SLC35D1: variants seen among roughly 807,000 people sequenced by gnomAD.
SLC35D1 encodes the protein nucleotide sugar transporter SLC35D1.
Under a neutral mutation model 46.7 loss-of-function variants are expected in SLC35D1, and 31 were observed. The observed-to-expected ratio is 0.66, with a 90% CI of 0.50 to 0.90. The LOEUF (loss-of-function observed/expected upper bound fraction) is 0.90, where lower values mean the gene tolerates loss of function less well. Ranked by LOEUF, SLC35D1 falls within the 40% of genes least tolerant of loss-of-function variation. The pLI is 0.00. For synonymous variants in SLC35D1, 195 were observed against 164.6 expected, an observed-to-expected ratio of 1.18 and a Z score of -1.41; for missense variants, 397 against 426.2, an observed-to-expected ratio of 0.93 and a Z score of 0.60.
chr1:66,986,628 T>C, the SLC35D1 span: 2 of 618,148 alleles, frequency 3.2e-6, no homozygotes, highest in South Asian at 4.6e-5. Flanking sequence ...CAACTTTTTT[T>C]CCCAAACAGT....
chr1:67,052,889 T>C (rs775397603), intron 2 of SLC35D1, 32 bp from the exon 3 acceptor site: 5 of 1,613,908 alleles, frequency 3.1e-6, no homozygotes, highest in South Asian at 1.1e-5. Context: ...TTCACTGTTC[T>C]ACACATAAAG....
intron 10 of SLC35D1, among the ~76,000 whole-genome samples, chr1:67,011,919 C>T (rs1292329022): frequency 1.3e-5 from 2 of 151,932 alleles, no homozygotes; most frequent in African/African-American, 2.4e-5. Flanking sequence ...ATAGTCTTTT[C>T]CTTTATCTTT....
chr1:67,041,651 C>A (rs974630520), intron 8 of SLC35D1, among the ~76,000 whole-genome samples: 7 of 152,110 alleles, frequency 4.6e-5, no homozygotes, highest in Non-Finnish European at 7.4e-5. Flanking sequence ...AAGAAAAATT[C>A]TTCTCCAGAT....
chr1:67,011,158 C>A (rs1570609298), intron 10 of SLC35D1, among the ~76,000 whole-genome samples: 1 of 152,276 alleles, frequency 6.6e-6, no homozygotes, highest in East Asian at 1.9e-4. Flanking sequence ...ATATAAGCTT[C>A]TACACTCCAC....
At chr1:67,040,230 C>A (rs1010553885) in intron 8 of SLC35D1, among the ~76,000 whole-genome samples, 6 of 152,076 alleles carry the variant, frequency 3.9e-5, no homozygotes, top group African/African-American at 1.4e-4. Context: ...TTCCTAGGCT[C>A]AAGCAATCTG....
chr1:67,014,088 C>T (rs965549553), intron 10 of SLC35D1, among the ~76,000 whole-genome samples: 4 of 152,094 alleles, frequency 2.6e-5, no homozygotes, highest in Admixed American at 2.6e-4. Flanking sequence ...TTTGTTGACC[C>T]TGTTGCTTAA....
Position 67,006,410 on chromosome 1 carries a change from C to G in SLC35D1, c.960-1962G>C, listed in dbSNP as rs140612505. On this transcript the variant is annotated intron_variant, in intron 11 of 11. Transcript: ENST00000235345. ...CCACATGACAGTCAATTTCCCTTTG[C>G]CTCCAAACCCACCCCAAAACAAAGT... 3.5e-3 allele frequency among the ~76,000 whole-genome samples: 539 copies of G among 152,268 alleles called. 3 individuals are homozygous for G. Among genetic ancestry groups the G allele is most frequent in the African/African-American group, 0.012 (515 of 41,542 alleles).
chr1:67,021,756 C>CACAT lies in SLC35D1; in HGVS notation c.730-155_730-154insATGT, dbSNP rs1558155444. ...ACACACACACACACACACACACACA[C>CACAT]ACAGGTATATGTTTCCCTGAATTAC... On this transcript the variant is annotated intron_variant, in intron 8 of 11. Coordinates refer to ENST00000235345, the MANE Select transcript of SLC35D1 (RefSeq NM_015139.3). Among the ~76,000 whole-genome samples the CACAT allele has an allele frequency of 4.6e-4, 69 of 150,890 alleles. 3 individuals are homozygous for CACAT. Among genetic ancestry groups the CACAT allele is most frequent in the South Asian group, 6.3e-4 (3 of 4,758 alleles).
chr1:66,976,464 T>G, the SLC35D1 span: 5 of 657,900 alleles, frequency 7.6e-6, no homozygotes, highest in Non-Finnish European at 1.2e-5. Context: ...GCTGCTACAC[T>G]GTTGTATGTT....
chr1:67,028,369 TC>T (rs1179959587), intron 8 of SLC35D1, among the ~76,000 whole-genome samples: 1 of 152,234 alleles, frequency 6.6e-6, no homozygotes, highest in Non-Finnish European at 1.5e-5. Context: ...GACAGTATTA[TC>T]CAAGTCTTCT....
At chr1:67,004,592 C>A in intron 11 of SLC35D1, 144 bp from the exon 12 acceptor site, 1 of 697,130 alleles carries the variant, frequency 1.4e-6, no homozygotes, top group Non-Finnish European at 2.6e-6. Context: ...AAGTACTATG[C>A]ATCCATTAAA....
chr1:66,989,422 T>G, the SLC35D1 span, among the ~76,000 whole-genome samples: 1 of 152,222 alleles, frequency 6.6e-6, no homozygotes, highest in African/African-American at 2.4e-5. Context: ...CAAAGTTAGA[T>G]GATCCCTGAA....
the SLC35D1 span, among the ~76,000 whole-genome samples, chr1:66,982,396 A>G: frequency 5.3e-5 from 8 of 152,340 alleles, no homozygotes; most frequent in African/African-American, 1.4e-4. Context: ...CAACCTGTAT[A>G]TTAATATTCT....
At chr1:67,007,414 A>G (rs1309321539) in intron 11 of SLC35D1, among the ~76,000 whole-genome samples, 5 of 152,076 alleles carry the variant, frequency 3.3e-5, no homozygotes, top group Non-Finnish European at 7.4e-5. Flanking sequence ...ACCTCCTAAT[A>G]CCATGACTTT....
Position 67,054,146 on chromosome 1 carries a change from C to T in SLC35D1, c.-133G>A. 1.2e-6 allele frequency: 1 copy of T among 841,186 alleles called. No individual in the cohort carries two copies. The highest frequency in any genetic ancestry group is 1.8e-6 in the Non-Finnish European group (1 of 559,490). The allele number at this position is 841,186 out of a possible 1,614,324, so 52.1% of individuals were successfully genotyped here. A position where few individuals can be genotyped will look rare whatever the true frequency, so the allele number is the denominator to read the frequency against. ...GCGCGCTCGCCGCCTCGACTCCCCG[C>T]TTGGCCGCCGCCTGTCCCCGCCCAG... On this transcript the variant is annotated 5_prime_UTR_variant, in exon 1 of 12. Coordinates refer to ENST00000235345, the MANE Select transcript of SLC35D1 (RefSeq NM_015139.3).
the SLC35D1 span, chr1:66,985,771 A>G: frequency 2.1e-6 from 2 of 930,344 alleles, no homozygotes; most frequent in South Asian, 5.0e-5. Flanking sequence ...ATTAAGTCAT[A>G]TTTCTTATCC....
rs115491641 is a variant in SLC35D1, at chr1:67,033,930, C to T, written c.729+8306G>A. 2.5e-3 allele frequency among the ~76,000 whole-genome samples: 378 copies of T among 152,296 alleles called. 3 individuals are homozygous for T. Among genetic ancestry groups the T allele is most frequent in the African/African-American group, 8.2e-3 (342 of 41,580 alleles). Reference sequence around the variant, plus strand: ...CACCCGGCTTTCCCTGAACCATACACTGAAGAGACTGTCCCTTCCCCAGTG... The same window carrying T: ...CACCCGGCTTTCCCTGAACCATACATTGAAGAGACTGTCCCTTCCCCAGTG... On this transcript the variant is annotated intron_variant, in intron 8 of 11. Transcript: ENST00000235345.
chr1:66,989,838 A>AAT, the SLC35D1 span, among the ~76,000 whole-genome samples: 2 of 152,188 alleles, frequency 1.3e-5, no homozygotes, highest in African/African-American at 4.8e-5. Flanking sequence ...TCAGGTAGAG[A>AAT]ACTGCATCAG....
chr1:66,995,345 C>A (rs914716701), downstream of SLC35D1, among the ~76,000 whole-genome samples: 9 of 148,224 alleles, frequency 6.1e-5, no homozygotes, highest in African/African-American at 1.7e-4. Flanking sequence ...AATTTGCCAA[C>A]CTCTGACCTA....
Sources: allele counts gnomAD v4.1 joint callset (sites outside exome capture counted in the v4.1 genomes callset), GRCh38; gene constraint gnomAD v4.1.1; transcripts MANE v1.5; gene names NCBI Gene and HGNC (gene_info 2026-07-23, HGNC 2026-07-21).